The following DNAH14 variants were observed in gnomAD, a reference collection of about 807,000 sequenced individuals.
DNAH14 encodes the protein dynein axonemal heavy chain 14, also known as axonemal beta dynein heavy chain 14.
DNAH14 carries 478 observed loss-of-function variants against 520.9 expected under a neutral mutation model. The ratio of observed to expected loss-of-function variants is 0.92; its 90% CI spans 0.85 to 0.99. The LOEUF is 0.99. DNAH14 is among the 50% of genes least tolerant of loss of function. The pLI is 0.00. For synonymous variants in DNAH14, 1,581 were observed against 1,757.2 expected (o/e 0.90, Z 2.51); for missense variants, 4,831 against 5,234.5 (o/e 0.92, Z 2.38).
At chr1:225,045,480 C>T (rs1039899052) in intron 15 of DNAH14, among the ~76,000 whole-genome samples, 5 of 151,974 alleles carry the variant, frequency 3.3e-5, no homozygotes, top group Non-Finnish European at 5.9e-5. Flanking sequence ...GATCTAATCC[C>T]GGATCACACA....
chr1:225,211,366 T>C (rs1407191374), intron 41 of DNAH14, among the ~76,000 whole-genome samples: 1 of 152,104 alleles, frequency 6.6e-6, no homozygotes, highest in East Asian at 1.9e-4. Context: ...CATACACATG[T>C]ATCAATAACT....
intron 23 of DNAH14, among the ~76,000 whole-genome samples, chr1:225,113,501 TC>T (rs1204473753): frequency 6.6e-6 from 1 of 152,176 alleles, no homozygotes; most frequent in Non-Finnish European, 1.5e-5. Flanking sequence ...CTATGTTTGT[TC>T]AAGGCCCTAG....
chr1:225,320,679 T>C (rs1445625516), intron 61 of DNAH14, among the ~76,000 whole-genome samples: 1 of 152,184 alleles, frequency 6.6e-6, no homozygotes, highest in Non-Finnish European at 1.5e-5. Context: ...GATACTTTCA[T>C]CCTTTGCCAT....
intron 81 of DNAH14, among the ~76,000 whole-genome samples, chr1:225,381,834 G>A (rs954513954): frequency 7.9e-5 from 12 of 152,220 alleles, no homozygotes; most frequent in African/African-American, 2.7e-4. Context: ...TCATGTCAAA[G>A]TAGGTGCACT....
chr1:225,393,817 T>G (rs796229303), intron 84 of DNAH14, among the ~76,000 whole-genome samples: 17,995 of 147,794 alleles, frequency 0.12, 1,139 homozygotes, highest in South Asian at 0.15. Flanking sequence ...TTTTTTTGTT[T>G]TTTTTTTGTT....
At chr1:225,320,625 C>A (rs1255444526) in intron 61 of DNAH14, among the ~76,000 whole-genome samples, 1 of 152,194 alleles carries the variant, frequency 6.6e-6, no homozygotes, top group East Asian at 1.9e-4. Context: ...CATTCTCTTC[C>A]CAAGCTGCTA....
chr1:225,398,347 G>A (rs765493272), intron 84 of DNAH14, among the ~76,000 whole-genome samples, 173 bp from the exon 85 acceptor site: 24 of 152,172 alleles, frequency 1.6e-4, no homozygotes, highest in Non-Finnish European at 2.6e-4. Flanking sequence ...AGCCTATGTC[G>A]TTTTTAAAGC....
At chr1:225,364,670 GTAAGATCT>G in intron 75 of DNAH14, 114 bp from the exon 76 acceptor site, 1 of 625,372 alleles carries the variant, frequency 1.6e-6, no homozygotes, top group Non-Finnish European at 2.6e-6. Context: ...TGATAATACA[GTAAGATCT>G]TCAGTATTAA....
chr1:225,398,454 G>A (rs2096056327), intron 84 of DNAH14, 66 bp from the exon 85 acceptor site: 3 of 1,529,264 alleles, frequency 2.0e-6, no homozygotes, highest in Non-Finnish European at 1.8e-6. Flanking sequence ...CTCAATTCCG[G>A]ACGGAGCCTC....
At chr1:224,946,838 C>CT (rs778420874) in intron 1 of DNAH14, among the ~76,000 whole-genome samples, 2,935 of 115,318 alleles carry the variant, frequency 0.025, 107 homozygotes, top group African/African-American at 0.084. Context: ...CCCCTTATGG[C>CT]TTTTTTTTTT....
chr1:225,380,069 C>A, intron 79 of DNAH14, 90 bp from the exon 80 acceptor site: 1 of 1,355,282 alleles, frequency 7.4e-7, no homozygotes, highest in Non-Finnish European at 1.0e-6. Flanking sequence ...TTCCTCCTGT[C>A]TACCAGTAAT....
In DNAH14 at chr1:225,323,942, G is replaced by A. The variant is rs1969100; in HGVS notation, c.9496-280G>A. ...GTGATTCTCGTGCCTCAGCTTCCCT[G>A]GTAGCTAGGATTACAGGCGTGTGCC... On this transcript the variant is annotated intron_variant, in intron 62 of 85. Coordinates refer to ENST00000682510, the MANE Select transcript of DNAH14 (RefSeq NM_001367479.1). Among the ~76,000 whole-genome samples, 90,884 of 151,782 alleles carry A rather than the reference G, an allele frequency of 0.6. 28,368 individuals carry two copies. The highest frequency in any genetic ancestry group is 0.77 in the African/African-American group (31,786 of 41,432).
intron 43 of DNAH14, among the ~76,000 whole-genome samples, chr1:225,243,961 A>G (rs1379905517): frequency 1.3e-5 from 2 of 152,140 alleles, no homozygotes; most frequent in African/African-American, 2.4e-5. Flanking sequence ...TTGCCCAGTC[A>G]GTATGATATT....
chr1:225,331,643 T>C, intron 65 of DNAH14, 66 bp downstream of exon 65: 1 of 1,540,232 alleles, frequency 6.5e-7, no homozygotes, highest in Non-Finnish European at 8.8e-7. Flanking sequence ...CCCCAAGATG[T>C]TATTTTCACT....
chr1:225,221,032 T>C (rs633544), intron 41 of DNAH14, among the ~76,000 whole-genome samples: 23,443 of 151,928 alleles, frequency 0.15, 2,119 homozygotes, highest in East Asian at 0.36. Flanking sequence ...TTCGAGAAAC[T>C]TGACAAAAAC....
intron 1 of DNAH14, among the ~76,000 whole-genome samples, chr1:224,939,692 A>C (rs948365622): frequency 6.6e-6 from 1 of 152,146 alleles, no homozygotes; most frequent in African/African-American, 2.4e-5. Flanking sequence ...TCAACAACAA[A>C]AAAAACTAAT....
intron 54 of DNAH14, among the ~76,000 whole-genome samples, chr1:225,280,909 T>TA (rs1282965083): frequency 1.3e-5 from 2 of 152,098 alleles, no homozygotes; most frequent in Non-Finnish European, 2.9e-5. Context: ...AAAAATGAAA[T>TA]AAAGATATTT....
At chr1:225,250,879 G>A (rs574612657) in intron 43 of DNAH14, among the ~76,000 whole-genome samples, 73 of 152,304 alleles carry the variant, frequency 4.8e-4, no homozygotes, top group Middle Eastern at 3.4e-3. Flanking sequence ...GCCAGGGAGT[G>A]TGAGAGCTCC....
At chr1:225,331,889 G>T (rs952910620) in intron 65 of DNAH14, among the ~76,000 whole-genome samples, 1 of 152,034 alleles carries the variant, frequency 6.6e-6, no homozygotes, top group Non-Finnish European at 1.5e-5. Context: ...CTAGCACTGG[G>T]AGAACCCAAG....
Sources: gnomAD v4.1 joint callset for allele counts (sites outside exome capture counted in the v4.1 genomes callset) on GRCh38, gnomAD v4.1.1 for gene constraint, MANE v1.5 for transcripts, NCBI Gene and HGNC (gene_info 2026-07-23, HGNC 2026-07-21) for gene names.